The following LINGO1 variants were observed in gnomAD, a reference collection of about 807,000 sequenced individuals.
The protein encoded by LINGO1 is leucine-rich repeat and immunoglobulin-like domain-containing nogo receptor-interacting protein 1.
LINGO1 carries 11 observed loss-of-function variants against 37.3 expected under a neutral mutation model. The ratio of observed to expected loss-of-function variants is 0.29; its 90% CI spans 0.19 to 0.49. The LOEUF (loss-of-function observed/expected upper bound fraction) is 0.49, where lower values mean the gene tolerates loss of function less well. LINGO1 is among the 20% of genes least tolerant of loss of function. The pLI is 0.99. For synonymous variants in LINGO1, 387 were observed against 403.0 expected (o/e 0.96, Z 0.48); for missense variants, 585 against 878.2 (o/e 0.67, Z 4.22).
At chr15:77,686,021 C>G (rs1350744875) in intron 2 of LINGO1, among the ~76,000 whole-genome samples, 1 of 152,124 alleles carries the variant, frequency 6.6e-6, no homozygotes, top group Admixed American at 6.6e-5. Context: ...TTCTCCAGCC[C>G]GGCTATTTGG....
At chr15:77,631,500 G>A (rs978587489) in intron 1 of LINGO1, among the ~76,000 whole-genome samples, 1 of 152,174 alleles carries the variant, frequency 6.6e-6, no homozygotes, top group Admixed American at 6.5e-5. Context: ...CCTTCTCAAA[G>A]TGGGATCCGC....
intron 1 of LINGO1, among the ~76,000 whole-genome samples, chr15:77,785,707 G>A (rs1050609598): frequency 5.9e-5 from 9 of 151,938 alleles, no homozygotes; most frequent in South Asian, 2.1e-4. Flanking sequence ...CCAACCACAC[G>A]TGCTCTCTGT....
chr15:77,794,590 A>T (rs1477825729), intron 2 of LINGO1, among the ~76,000 whole-genome samples: 2,505 of 93,392 alleles, frequency 0.027, 159 homozygotes, highest in African/African-American at 0.093. Flanking sequence ...ATATATATAT[A>T]TTTTTTTTTT....
intron 1 of LINGO1, among the ~76,000 whole-genome samples, chr15:77,737,941 C>T (rs1567555443): frequency 6.6e-6 from 1 of 152,162 alleles, no homozygotes; most frequent in Non-Finnish European, 1.5e-5. Flanking sequence ...TCTCACCAGC[C>T]TCAGCTCCCT....
chr15:77,806,683 C>T (rs573940695), intron 1 of LINGO1, among the ~76,000 whole-genome samples: 192 of 152,216 alleles, frequency 1.3e-3, no homozygotes, highest in Middle Eastern at 3.4e-3. Flanking sequence ...CGCCTGCTTC[C>T]TCAGATACTC....
intron 3 of LINGO1, among the ~76,000 whole-genome samples, chr15:77,650,108 A>G (rs1427117030): frequency 6.6e-6 from 1 of 152,242 alleles, no homozygotes; most frequent in African/African-American, 2.4e-5. Context: ...AGTGGTGAAC[A>G]ATGTGAGATG....
At chr15:77,770,149 C>T (rs921295917) in intron 1 of LINGO1, among the ~76,000 whole-genome samples, 1 of 152,164 alleles carries the variant, frequency 6.6e-6, no homozygotes, top group South Asian at 2.1e-4. Context: ...CCCAGGCTCA[C>T]TCCAGAGCAG....
At chr15:77,804,307 C>T (rs946740239) in intron 1 of LINGO1, among the ~76,000 whole-genome samples, 1 of 152,148 alleles carries the variant, frequency 6.6e-6, no homozygotes, top group Admixed American at 6.5e-5. Flanking sequence ...CAGACTCGCA[C>T]GATATGCACC....
intron 2 of LINGO1, among the ~76,000 whole-genome samples, chr15:77,794,782 G>A (rs1175175601): frequency 2.6e-5 from 4 of 151,676 alleles, no homozygotes; most frequent in Non-Finnish European, 5.9e-5. Context: ...AGTAGAGACG[G>A]GGTTTTACCA....
chr15:77,738,075 C>T (rs1030766210), intron 1 of LINGO1, among the ~76,000 whole-genome samples: 11 of 152,180 alleles, frequency 7.2e-5, no homozygotes, highest in African/African-American at 2.7e-4. Flanking sequence ...CTTGACTTCT[C>T]TCTTTCTCCC....
At chr15:77,743,730 G>A (rs2076287083) in intron 1 of LINGO1, among the ~76,000 whole-genome samples, 5 of 152,070 alleles carry the variant, frequency 3.3e-5, no homozygotes, top group Admixed American at 3.3e-4. Flanking sequence ...GGCGCAGGAG[G>A]GATGCTGAAG....
intron 3 of LINGO1, chr15:77,651,573 G>A (rs1008365604): frequency 6.6e-6 from 1 of 152,210 alleles, no homozygotes; most frequent in African/African-American, 2.4e-5. Flanking sequence ...AAGGCACTAC[G>A]TTGGATCTAG....
At chr15:77,641,492 T>G (rs1274101781) in intron 3 of LINGO1, among the ~76,000 whole-genome samples, 1 of 152,192 alleles carries the variant, frequency 6.6e-6, no homozygotes, top group Non-Finnish European at 1.5e-5. Flanking sequence ...CTAATATGCC[T>G]ATAAATTATT....
chr15:77,704,533 C>A (rs942984817), intron 2 of LINGO1, among the ~76,000 whole-genome samples: 57 of 150,902 alleles, frequency 3.8e-4, no homozygotes, highest in Non-Finnish European at 1.2e-4. Flanking sequence ...TGAGCCCCAA[C>A]CCTGGCCACA....
At chr15:77,626,069 AG>A (rs2074079591) in intron 1 of LINGO1, among the ~76,000 whole-genome samples, 1 of 152,138 alleles carries the variant, frequency 6.6e-6, no homozygotes. Context: ...CTGGCTCCAA[AG>A]GCATAACACC....
intron 1 of LINGO1, among the ~76,000 whole-genome samples, chr15:77,626,948 G>C (rs912146092): frequency 6.8e-6 from 1 of 146,978 alleles, no homozygotes; most frequent in African/African-American, 2.6e-5. Flanking sequence ...GAGATGGCCA[G>C]TCCCCGCCCC....
intron 1 of LINGO1, among the ~76,000 whole-genome samples, chr15:77,814,139 A>G (rs1366778071): frequency 6.6e-6 from 1 of 152,204 alleles, no homozygotes; most frequent in African/African-American, 2.4e-5. Context: ...CTATAATGGA[A>G]ACAGGGCCAA....
intron 1 of LINGO1, among the ~76,000 whole-genome samples, chr15:77,750,744 G>T (rs1333800180): frequency 6.6e-6 from 1 of 152,194 alleles, no homozygotes; most frequent in Non-Finnish European, 1.5e-5. Context: ...TAAATATTTG[G>T]TTGAGTGCCA....
chr15:77,730,524 G>A (rs915031441), intron 2 of LINGO1, among the ~76,000 whole-genome samples: 1 of 151,928 alleles, frequency 6.6e-6, no homozygotes, highest in Non-Finnish European at 1.5e-5. Flanking sequence ...CGCCTGCCCC[G>A]TACCCGTCTG....
Sources: gnomAD v4.1 joint callset for allele counts (sites outside exome capture counted in the v4.1 genomes callset) on GRCh38, gnomAD v4.1.1 for gene constraint, MANE v1.5 for transcripts, NCBI Gene and HGNC (gene_info 2026-07-23, HGNC 2026-07-21) for gene names.